Variants in GPM6A observed in about 807,000 individuals in gnomAD.
GPM6A encodes neuronal membrane glycoprotein M6-a.
In GPM6A, 7 loss-of-function variants were observed where a neutral mutation model predicts 32.1. The observed-to-expected ratio is 0.22, with a 90% CI of 0.12 to 0.41. The LOEUF (loss-of-function observed/expected upper bound fraction) is 0.41, where lower values mean the gene tolerates loss of function less well. Ranked by LOEUF, GPM6A falls within the 10% of genes least tolerant of loss-of-function variation. The pLI is 1.00. For synonymous variants in GPM6A, 130 were observed against 123.4 expected, an observed-to-expected ratio of 1.05 and a Z score of -0.35; for missense variants, 235 against 347.2, an observed-to-expected ratio of 0.68 and a Z score of 2.57.
At chr4:175,980,974 C>T (rs939076084) in intron 1 of GPM6A, among the ~76,000 whole-genome samples, 2 of 152,044 alleles carry the variant, frequency 1.3e-5, no homozygotes, top group Non-Finnish European at 2.9e-5. Context: ...ATTATCACTT[C>T]GACTATGTCT....
At position 175,651,019 on chromosome 4, in the gene GPM6A, A is replaced by G. The variant is rs1741772429; in HGVS notation, c.541+815T>C. On this transcript the variant is annotated intron_variant, in intron 4 of 6. Coordinates refer to ENST00000393658, the MANE Select transcript of GPM6A (RefSeq NM_201591.3). The stretch of plus-strand genomic sequence containing the variant: ...TACTCTACCTTTCCACTTCCAGCTC[A>G]GTACTAAGTTTTAATATGAAAGGCA... Among the ~76,000 whole-genome samples, 3 of 152,178 alleles carry G rather than the reference A, an allele frequency of 2.0e-5. No homozygotes were observed. The South Asian group carries it at 6.2e-4, about 32-fold the overall frequency.
chr4:175,964,034 A>C (rs928236008), intron 1 of GPM6A, among the ~76,000 whole-genome samples: 1 of 152,064 alleles, frequency 6.6e-6, no homozygotes, highest in Non-Finnish European at 1.5e-5. Context: ...GTAAGAGAGA[A>C]GAAAAAAAAA....
chr4:175,914,162 G>A (rs183807948), intron 1 of GPM6A, among the ~76,000 whole-genome samples: 2 of 116,398 alleles, frequency 1.7e-5, no homozygotes, highest in East Asian at 3.0e-4. Context: ...AAAAATGTGT[G>A]GGGGGGGTAG....
At chr4:175,899,426 T>C (rs897075606) in intron 1 of GPM6A, among the ~76,000 whole-genome samples, 4 of 152,034 alleles carry the variant, frequency 2.6e-5, no homozygotes, top group East Asian at 1.9e-4. Context: ...AATAAAACCA[T>C]TTAAAAATAA....
At chr4:175,652,043 T>G (rs1741839844) in intron 3 of GPM6A, 56 bp from the exon 4 acceptor site, 5 of 1,420,734 alleles carry the variant, frequency 3.5e-6, no homozygotes, top group Non-Finnish European at 4.8e-6. Flanking sequence ...AAAGAAGAAT[T>G]TTGTGTTTAA....
At chr4:175,828,590 T>G (rs913021149) in intron 1 of GPM6A, among the ~76,000 whole-genome samples, 2 of 152,194 alleles carry the variant, frequency 1.3e-5, no homozygotes, top group African/African-American at 2.4e-5. Context: ...AAAGAGTTTT[T>G]AATTAGGTTA....
intron 1 of GPM6A, among the ~76,000 whole-genome samples, chr4:175,904,574 C>T (rs1738070814): frequency 6.6e-6 from 1 of 152,044 alleles, no homozygotes; most frequent in South Asian, 2.1e-4. Context: ...TAGACTACCA[C>T]CACTTGGCAC....
At chr4:175,767,503 C>T (rs750382307) in intron 1 of GPM6A, among the ~76,000 whole-genome samples, 43 of 152,314 alleles carry the variant, frequency 2.8e-4, no homozygotes, top group Middle Eastern at 3.4e-3. Flanking sequence ...AATTCTTCGT[C>T]TAGTGTTTTA....
In GPM6A at chr4:175,951,950, G is replaced by A. The variant is rs1027875904; in HGVS notation, c.-23+50359C>T. Among the ~76,000 whole-genome samples, 6 of 152,164 alleles carry A rather than the reference G, an allele frequency of 3.9e-5. No individual in the cohort carries two copies. The East Asian group carries it at 5.8e-4, about 15-fold the overall frequency. ...ACCTTCCAACTTTCCCTACACCATC[G>A]GCTCTCCTGGGCTTGCAGCCTGCTG... On this transcript the variant is annotated intron_variant, in intron 1 of 7. Transcript: ENST00000280187.
At position 175,986,032 on chromosome 4, in the gene GPM6A, T is replaced by C. The variant is rs534684644; in HGVS notation, c.-23+16277A>G. Reference sequence around the variant, plus strand: ...TGTTGACCAGGCTGGTCTCGAACTCTTGACCTTGCGATCTGCCCCCCTCAG... The same window carrying C: ...TGTTGACCAGGCTGGTCTCGAACTCCTGACCTTGCGATCTGCCCCCCTCAG... On this transcript the variant is annotated intron_variant, in intron 1 of 7. Coordinates refer to the GPM6A transcript ENST00000280187. Among the ~76,000 whole-genome samples, 14 of 151,858 alleles carry C rather than the reference T, an allele frequency of 9.2e-5. No homozygotes were observed. In the South Asian group the frequency reaches 2.9e-3, roughly 32 times the overall value.
chr4:176,001,557 C>T (rs925574451), intron 1 of GPM6A, among the ~76,000 whole-genome samples: 2 of 152,160 alleles, frequency 1.3e-5, no homozygotes, highest in Admixed American at 1.3e-4. Flanking sequence ...TTCCAAGCTG[C>T]CTCCGCTAAG....
intron 1 of GPM6A, among the ~76,000 whole-genome samples, chr4:175,920,064 A>G (rs914098361): frequency 3.3e-5 from 5 of 152,250 alleles, no homozygotes; most frequent in Admixed American, 3.3e-4. Context: ...TCTAAAGGTG[A>G]TGGAGCTTGG....
chr4:175,740,040 T>C (rs1731815390), intron 1 of GPM6A, among the ~76,000 whole-genome samples: 1 of 151,974 alleles, frequency 6.6e-6, no homozygotes, highest in Admixed American at 6.6e-5. Context: ...GTGTAGAAAA[T>C]ATTGTCTCTA....
chr4:175,982,117 A>G (rs1740838041), intron 1 of GPM6A, among the ~76,000 whole-genome samples: 1 of 151,786 alleles, frequency 6.6e-6, no homozygotes, highest in Non-Finnish European at 1.5e-5. Flanking sequence ...GTGGGTTTTT[A>G]TTATTCTTTA....
At chr4:175,827,801 A>C (rs1213935435) in intron 1 of GPM6A, among the ~76,000 whole-genome samples, 1 of 152,168 alleles carries the variant, frequency 6.6e-6, no homozygotes, top group African/African-American at 2.4e-5. Context: ...ATACCTATTC[A>C]TCAGGGATTT....
chr4:175,725,073 A>G lies in GPM6A; in HGVS notation c.38-23306T>C, dbSNP rs1746334097. On this transcript the variant is annotated intron_variant, in intron 1 of 6. Transcript: ENST00000393658. ...GTATCCTGATTACTCTACAAATTGCATCTTGCTCTACTCAGGTCCATAATG... is the reference window on the plus strand; with the variant it reads ...GTATCCTGATTACTCTACAAATTGCGTCTTGCTCTACTCAGGTCCATAATG... Among the ~76,000 whole-genome samples, 3 of 152,128 alleles carry G rather than the reference A, an allele frequency of 2.0e-5. No homozygotes were observed. In the South Asian group the frequency reaches 6.2e-4, roughly 32 times the overall value.
chr4:175,740,600 G>A (rs1246881620), intron 1 of GPM6A, among the ~76,000 whole-genome samples: 2 of 151,940 alleles, frequency 1.3e-5, no homozygotes, highest in African/African-American at 4.8e-5. Context: ...TTTGAGCTCT[G>A]AAAATAGATT....
chr4:175,968,149 A>C (rs1561015998), intron 1 of GPM6A, among the ~76,000 whole-genome samples: 1 of 150,794 alleles, frequency 6.6e-6, no homozygotes, highest in Non-Finnish European at 1.5e-5. Context: ...TTGGCAAAGG[A>C]GCAAAAGCAA....
At position 175,873,321 on chromosome 4, in the gene GPM6A, G is replaced by GA. The variant is rs200174289; in HGVS notation, c.-22-61073dup. Among the ~76,000 whole-genome samples, 1,013 of 147,626 alleles carry GA rather than the reference G, an allele frequency of 6.9e-3. 8 individuals are homozygous for GA. Among genetic ancestry groups the GA allele is most frequent in the African/African-American group, 0.018 (733 of 40,346 alleles). On this transcript the variant is annotated intron_variant, in intron 1 of 7. Transcript: ENST00000280187. ...CAAGACTGAAAGACAAGTGCCTTGT[G>GA]AAAAAAAAACACTGTAAACATTTTG...
Sources: gnomAD v4.1 joint callset for allele counts (sites outside exome capture counted in the v4.1 genomes callset) on GRCh38, gnomAD v4.1.1 for gene constraint, MANE v1.5 for transcripts, NCBI Gene and HGNC (gene_info 2026-07-23, HGNC 2026-07-21) for gene names.